Variants in PTPRN2 observed in about 807,000 individuals in gnomAD.
The protein encoded by PTPRN2 is receptor-type tyrosine-protein phosphatase N2.
Under a neutral mutation model 118.8 loss-of-function variants are expected in PTPRN2, and 74 were observed. That is an observed-to-expected ratio of 0.62 (90% confidence interval 0.52 to 0.76). The LOEUF (loss-of-function observed/expected upper bound fraction) is 0.76, where lower values mean the gene tolerates loss of function less well. Ranked by LOEUF, PTPRN2 falls within the 30% of genes least tolerant of loss-of-function variation. The pLI, the probability that PTPRN2 is intolerant of heterozygous loss-of-function variation, is 0.00. For synonymous variants in PTPRN2, 641 were observed against 608.0 expected (o/e 1.05, Z -0.80); for missense variants, 1,481 against 1,394.4 (o/e 1.06, Z -0.99).
At chr7:158,323,170 A>C (rs9638122) in intron 2 of PTPRN2, among the ~76,000 whole-genome samples, 145,183 of 152,306 alleles carry the variant, frequency 0.95, 69,236 homozygotes, top group Non-Finnish European at 0.96. Context: ...CGAGACATGG[A>C]AGGCGTCCCC....
chr7:158,197,489 T>TA (rs958468415), intron 4 of PTPRN2, among the ~76,000 whole-genome samples: 8 of 152,060 alleles, frequency 5.3e-5, no homozygotes, highest in South Asian at 2.1e-4. Flanking sequence ...ATGGGGCTTA[T>TA]AAAAAAAATC....
chr7:157,569,237 T>C (rs1451261404), intron 20 of PTPRN2, among the ~76,000 whole-genome samples: 1 of 152,240 alleles, frequency 6.6e-6, no homozygotes, highest in African/African-American at 2.4e-5. Flanking sequence ...TGTTCCCCCC[T>C]CTTTGGCCAA....
intron 1 of PTPRN2, among the ~76,000 whole-genome samples, chr7:158,543,150 C>T (rs74571869): frequency 4.6e-5 from 7 of 152,230 alleles, no homozygotes; most frequent in Non-Finnish European, 8.8e-5. Flanking sequence ...TCAGTCCATT[C>T]GCTTTTCAAA....
intron 10 of PTPRN2, among the ~76,000 whole-genome samples, chr7:158,108,081 G>T (rs1815833005): frequency 6.6e-6 from 1 of 151,078 alleles, no homozygotes; most frequent in Non-Finnish European, 1.5e-5. Context: ...TTCACCCTGT[G>T]CCTGGTCCCA....
At chr7:157,814,467 G>A (rs1472009369) in intron 12 of PTPRN2, among the ~76,000 whole-genome samples, 1 of 151,138 alleles carries the variant, frequency 6.6e-6, no homozygotes, top group Non-Finnish European at 1.5e-5. Context: ...GGAGGGGACA[G>A]GAGGGGGCAG....
At chr7:158,369,867 A>G (rs1210129213) in intron 2 of PTPRN2, among the ~76,000 whole-genome samples, 1 of 152,220 alleles carries the variant, frequency 6.6e-6, no homozygotes, top group Non-Finnish European at 1.5e-5. Flanking sequence ...AACCATAAAA[A>G]GCAAGATAAC....
intron 11 of PTPRN2, among the ~76,000 whole-genome samples, chr7:158,035,166 C>T (rs901029791): frequency 1.3e-5 from 2 of 152,168 alleles, no homozygotes; most frequent in African/African-American, 2.4e-5. Context: ...TGTGTTTACA[C>T]GCATCAGCAT....
At position 157,721,982 on chromosome 7, in the gene PTPRN2, G is replaced by A. The variant is rs371187186; in HGVS notation, c.1789-39045C>T. On this transcript the variant is annotated intron_variant, in intron 12 of 22. Coordinates refer to ENST00000389418, the MANE Select transcript of PTPRN2 (RefSeq NM_002847.5). ...TTTTCCCGAAGACCACGTGCTGTGC[G>A]CAGCCTGACATGTGGTGCTCGGCCG... Among the ~76,000 whole-genome samples, 30 of 152,308 alleles carry A rather than the reference G, an allele frequency of 2.0e-4. No individual in the cohort carries two copies. In the East Asian group the frequency reaches 3.1e-3, roughly 16 times the overall value.
intron 2 of PTPRN2, among the ~76,000 whole-genome samples, chr7:158,423,288 T>G (rs113816830): frequency 6.6e-6 from 1 of 152,222 alleles, no homozygotes; most frequent in Non-Finnish European, 1.5e-5. Context: ...AGCACGGCAG[T>G]GAAGGAAGTG....
chr7:158,080,331 A>AC (rs926866865), intron 11 of PTPRN2, among the ~76,000 whole-genome samples: 1 of 151,108 alleles, frequency 6.6e-6, no homozygotes, highest in African/African-American at 2.4e-5. Context: ...AAAAAAAAAA[A>AC]AAAAAAAAAA....
chr7:158,386,460 C>G (rs4562259), intron 2 of PTPRN2, among the ~76,000 whole-genome samples: 147,904 of 152,114 alleles, frequency 0.97, 71,937 homozygotes, highest in African/African-American at 0.99. Context: ...CAGGAGCTGC[C>G]TCCGTTCATC....
chr7:157,762,152 C>T (rs368707633), intron 12 of PTPRN2, among the ~76,000 whole-genome samples: 1 of 151,958 alleles, frequency 6.6e-6, no homozygotes, highest in Non-Finnish European at 1.5e-5. Context: ...GGTGGGACTG[C>T]AAACTAGTTC....
At chr7:157,663,101 G>A (rs529022443) in intron 13 of PTPRN2, among the ~76,000 whole-genome samples, 64 of 151,968 alleles carry the variant, frequency 4.2e-4, no homozygotes, top group African/African-American at 1.2e-3. Context: ...GCTTGGCCGC[G>A]AAGCCACTTT....
intron 3 of PTPRN2, among the ~76,000 whole-genome samples, chr7:158,244,463 TTG>T (rs1251257046): frequency 6.6e-6 from 1 of 152,162 alleles, no homozygotes; most frequent in Admixed American, 6.5e-5. Flanking sequence ...TGAGCGTGTT[TTG>T]TGTGTGAGCT....
intron 9 of PTPRN2, among the ~76,000 whole-genome samples, chr7:158,126,946 A>G (rs1465145256): frequency 6.6e-6 from 1 of 152,178 alleles, no homozygotes; most frequent in East Asian, 1.9e-4. Flanking sequence ...GAACCCCCAC[A>G]GAGGTGAGCA....
In PTPRN2 at chr7:157,611,470, G is replaced by A. The variant is rs771718015; in HGVS notation, c.2345-7395C>T. The stretch of plus-strand genomic sequence containing the variant: ...GGGTTGCCGTGGCCAGGCAGCGCCC[G>A]CCCAGTCACTGAGCTGACTTGGAGG... On this transcript the variant is annotated intron_variant, in intron 15 of 22. Transcript: ENST00000389418. The surrounding 1 kb of genome is among the most constrained non-coding windows in gnomAD (Gnocchi z 5.9). 7.2e-5 allele frequency among the ~76,000 whole-genome samples: 11 copies of A among 152,176 alleles called. No homozygotes were observed. The highest frequency in any genetic ancestry group is 1.3e-4 in the Non-Finnish European group (9 of 68,032).
Position 158,120,128 on chromosome 7 carries a change from T to C in PTPRN2, c.1557-9213A>G, listed in dbSNP as rs80211481. ...AGGACAAATTCTGTGTGTCTACCCA[T>C]GTGAGGTTCCTAGAATCCTCAAATT... is the stretch of plus-strand genomic sequence containing the variant. On this transcript the variant is annotated intron_variant, in intron 9 of 22. Transcript: ENST00000389418. Among the ~76,000 whole-genome samples the C allele has an allele frequency of 3.7e-3, 569 of 152,302 alleles. 4 individuals are homozygous for C. The highest frequency in any genetic ancestry group is 0.013 in the African/African-American group (556 of 41,566).
chr7:158,053,114 C>T (rs1476238714), intron 11 of PTPRN2, among the ~76,000 whole-genome samples: 2 of 152,248 alleles, frequency 1.3e-5, no homozygotes, highest in East Asian at 1.9e-4. Context: ...TTTTCAATTT[C>T]AAGTCATGTC....
At chr7:157,892,760 A>G (rs1796877931) in intron 12 of PTPRN2, among the ~76,000 whole-genome samples, 1 of 152,218 alleles carries the variant, frequency 6.6e-6, no homozygotes, top group Non-Finnish European at 1.5e-5. Flanking sequence ...CCTTTCTCCC[A>G]TTTTCACCAC....
Sources: allele counts gnomAD v4.1 joint callset (sites outside exome capture counted in the v4.1 genomes callset), GRCh38; gene constraint gnomAD v4.1.1; non-coding constraint Gnocchi (gnomAD v3.1); transcripts MANE v1.5; gene names NCBI Gene and HGNC (gene_info 2026-07-23, HGNC 2026-07-21).